Variants in SRGAP2 observed in about 807,000 individuals in gnomAD.
SRGAP2 encodes SLIT-ROBO Rho GTPase-activating protein 2.
SRGAP2 carries 15 observed loss-of-function variants against 57.2 expected under a neutral mutation model. The ratio of observed to expected loss-of-function variants is 0.26; its 90% CI spans 0.18 to 0.40. The LOEUF is 0.40. Among genes scored for constraint, SRGAP2 ranks in the 10% least tolerant of loss-of-function variants. The pLI, the probability that SRGAP2 is intolerant of heterozygous loss-of-function variation, is 1.00. For missense variants in SRGAP2, 520 were observed against 669.6 expected (o/e 0.78, Z 2.47); for synonymous variants, 249 against 248.0 (o/e 1.00, Z -0.04).
At position 206,307,522 on chromosome 1, in the gene SRGAP2, G is replaced by C. The variant is rs1285354666; in HGVS notation, c.260+4049G>C. Among the ~76,000 whole-genome samples the C allele has an allele frequency of 7.2e-5, 11 of 152,214 alleles. No individual in the cohort carries two copies. The South Asian group carries it at 1.9e-3, about 26-fold the overall frequency. The stretch of plus-strand genomic sequence containing the variant: ...GCAGGGGGTGGTGCTCGTCGGGGAG[G>C]CTCCGGCCGCACAGGAGCCCATGGA... On this transcript the variant is annotated intron_variant, in intron 3 of 22. Transcript: ENST00000573034.
At chr1:206,334,105 C>T (rs553062887) in intron 3 of SRGAP2, among the ~76,000 whole-genome samples, 12 of 150,162 alleles carry the variant, frequency 8.0e-5, no homozygotes, top group African/African-American at 2.7e-4. Flanking sequence ...GGAGGCTGAA[C>T]ATATTAACTA....
intron 10 of SRGAP2, among the ~76,000 whole-genome samples, chr1:206,410,266 G>A (rs1659097979): frequency 2.6e-5 from 4 of 152,142 alleles, no homozygotes; most frequent in South Asian, 4.1e-4. Flanking sequence ...AGCAATTTTT[G>A]CCTCTTATTT....
chr1:206,321,907 C>G (rs555710157), intron 3 of SRGAP2, among the ~76,000 whole-genome samples: 1 of 152,050 alleles, frequency 6.6e-6, no homozygotes, highest in Admixed American at 6.6e-5. Flanking sequence ...CAGAGAGCCT[C>G]GGTTGCTTTT....
At chr1:206,436,857 G>A (rs1050506539) in intron 14 of SRGAP2, 108 bp from the exon 15 acceptor site, 26 of 743,468 alleles carry the variant, frequency 3.5e-5, no homozygotes, top group South Asian at 8.5e-5. Context: ...GAGAGACAGC[G>A]TGCTTAAATA....
intron 13 of SRGAP2, among the ~76,000 whole-genome samples, chr1:206,426,507 T>C (rs1371337311): frequency 1.3e-5 from 2 of 152,254 alleles, no homozygotes; most frequent in Non-Finnish European, 2.9e-5. Flanking sequence ...GTGGGCCTGC[T>C]GGATCATATG....
intron 19 of SRGAP2, among the ~76,000 whole-genome samples, chr1:206,451,184 A>C (rs548170270): frequency 1.3e-5 from 2 of 151,830 alleles, no homozygotes; most frequent in East Asian, 3.9e-4. Flanking sequence ...CCCGGAACCC[A>C]ATAGAAGCAA....
chr1:206,363,776 CAT>C (rs1677082339), intron 4 of SRGAP2, among the ~76,000 whole-genome samples: 1 of 152,178 alleles, frequency 6.6e-6, no homozygotes, highest in Admixed American at 6.6e-5. Context: ...GAAGCGATGT[CAT>C]ATTTTTCTTA....
At position 206,419,217 on chromosome 1, in the gene SRGAP2, C is replaced by A. The variant is rs371185311; in HGVS notation, c.1442-156C>A. Among the ~76,000 whole-genome samples the A allele has an allele frequency of 5.9e-5, 9 of 152,222 alleles. No individual in the cohort carries two copies. In the East Asian group the frequency reaches 1.5e-3, roughly 26 times the overall value. On this transcript the variant is annotated intron_variant, in intron 11 of 22. Coordinates refer to ENST00000573034, the MANE Select transcript of SRGAP2 (RefSeq NM_015326.5). ...TTCTTTTCTTTCTCTCTGTCTCTGT[C>A]TCTCTCTGTCTCTCTCTCTCTCTCC...
At chr1:206,366,256 A>G (rs574827044) in intron 4 of SRGAP2, among the ~76,000 whole-genome samples, 1 of 152,366 alleles carries the variant, frequency 6.6e-6, no homozygotes, top group South Asian at 2.1e-4. Context: ...TTTCAAGTCT[A>G]CATATTTGGC....
At chr1:206,350,812 A>C (rs1675988227) in intron 4 of SRGAP2, among the ~76,000 whole-genome samples, 1 of 149,992 alleles carries the variant, frequency 6.7e-6, no homozygotes, top group Non-Finnish European at 1.5e-5. Context: ...ACAAAGGGTG[A>C]ATCTGGCTTC....
chr1:206,273,189 T>C (rs1670227211), intron 2 of SRGAP2, among the ~76,000 whole-genome samples: 1 of 152,076 alleles, frequency 6.6e-6, no homozygotes, highest in Non-Finnish European at 1.5e-5. Flanking sequence ...AGTACAGAAA[T>C]ACAGCAGTCA....
chr1:206,413,895 C>T (rs1267476430), intron 10 of SRGAP2, among the ~76,000 whole-genome samples: 1 of 152,070 alleles, frequency 6.6e-6, no homozygotes, highest in Non-Finnish European at 1.5e-5. Flanking sequence ...GACTGCATCC[C>T]AGAGAAAGCA....
At chr1:206,402,610 C>T (rs1658293843) in intron 8 of SRGAP2, among the ~76,000 whole-genome samples, 1 of 152,166 alleles carries the variant, frequency 6.6e-6, no homozygotes, top group Non-Finnish European at 1.5e-5. Context: ...GTTTTGCTGT[C>T]TCTGTACTAC....
chr1:206,449,105 C>A (rs1030357554), intron 18 of SRGAP2, among the ~76,000 whole-genome samples: 1 of 152,114 alleles, frequency 6.6e-6, no homozygotes, highest in Non-Finnish European at 1.5e-5. Flanking sequence ...AAAGCCTCAC[C>A]TGTTACTGCC....
chr1:206,334,786 A>T (rs1674651337), intron 3 of SRGAP2, among the ~76,000 whole-genome samples: 1 of 151,616 alleles, frequency 6.6e-6, no homozygotes, highest in South Asian at 2.1e-4. Context: ...GGTGAGCCAG[A>T]CTGTCTGCCT....
At position 206,454,190 on chromosome 1, in the gene SRGAP2, C is replaced by T. The variant is rs1572198674; in HGVS notation, c.2361-688C>T. On this transcript the variant is annotated intron_variant, in intron 20 of 22. Transcript: ENST00000573034. The surrounding 1 kb of genome is among the most constrained non-coding windows in gnomAD (Gnocchi z 4.3). ...GCACCCTCCCAGCCTCTTCCCGGCT[C>T]GTTCTGCAGGGAAATCCTCCCTCTG... is the stretch of plus-strand genomic sequence containing the variant. The T allele has an allele frequency of 2.8e-6, 2 of 702,492 alleles. No individual in the cohort carries two copies. The highest frequency in any genetic ancestry group is 2.0e-5 in the Admixed American group (1 of 50,002). 43.5% of individuals were successfully genotyped at this position (702,492 alleles called of 1,614,324 possible).
chr1:206,426,366 C>G (rs1052138259), intron 13 of SRGAP2, among the ~76,000 whole-genome samples: 2 of 152,198 alleles, frequency 1.3e-5, no homozygotes, highest in Non-Finnish European at 2.9e-5. Context: ...TTTACCCATT[C>G]ATCTATTGAT....
At chr1:206,237,189 G>A (rs1397281809) in intron 2 of SRGAP2, among the ~76,000 whole-genome samples, 1 of 151,558 alleles carries the variant, frequency 6.6e-6, no homozygotes, top group East Asian at 1.9e-4. Context: ...TTGAACCCGG[G>A]AGGCAAAGGT....
At chr1:206,419,050 G>C (rs1388273840) in intron 11 of SRGAP2, among the ~76,000 whole-genome samples, 6 of 152,058 alleles carry the variant, frequency 3.9e-5, no homozygotes, top group African/African-American at 1.2e-4. Context: ...TATTAAGTAT[G>C]ATCTGTGCTG....
Sources: gnomAD v4.1 joint callset for allele counts (sites outside exome capture counted in the v4.1 genomes callset) on GRCh38, gnomAD v4.1.1 for gene constraint, Gnocchi (gnomAD v3.1) non-coding constraint, MANE v1.5 for transcripts, NCBI Gene and HGNC (gene_info 2026-07-23, HGNC 2026-07-21) for gene names.